The following TMEM117 variants were observed in gnomAD, a reference collection of about 807,000 sequenced individuals.
The protein encoded by TMEM117 is transmembrane protein 117.
TMEM117 carries 27 observed loss-of-function variants against 52.4 expected under a neutral mutation model. The observed-to-expected ratio is 0.51, with a 90% confidence interval of 0.38 to 0.71. The LOEUF (loss-of-function observed/expected upper bound fraction) is 0.71. Among genes scored for constraint, TMEM117 ranks in the 30% least tolerant of loss-of-function variants. The pLI, the probability that TMEM117 is intolerant of heterozygous loss-of-function variation, is 0.00. For synonymous variants in TMEM117, 215 were observed against 206.3 expected (o/e 1.04, Z -0.36); for missense variants, 556 against 630.5 (o/e 0.88, Z 1.26).
the TMEM117 span, chr12:43,805,792 T>C: frequency 1.5e-6 from 2 of 1,357,712 alleles, no homozygotes; most frequent in Admixed American, 1.9e-5. Context: ...ATCAAAGTCC[T>C]GTAATATTCT....
chr12:44,157,962 T>C (rs1388954399), intron 4 of TMEM117, among the ~76,000 whole-genome samples: 1 of 152,182 alleles, frequency 6.6e-6, no homozygotes, highest in East Asian at 1.9e-4. Context: ...TCTATGAGTA[T>C]TTGAGGCAAA....
intron 3 of TMEM117, among the ~76,000 whole-genome samples, chr12:44,064,792 TATGTATAGG>T (rs1947196662): frequency 6.6e-6 from 1 of 152,152 alleles, no homozygotes; most frequent in Non-Finnish European, 1.5e-5. Context: ...TAAAGTTGTA[TATGTATAGG>T]ATGAATAAGT....
chr12:44,214,303 G>A (rs73100851), intron 5 of TMEM117, among the ~76,000 whole-genome samples: 11,108 of 151,336 alleles, frequency 0.073, 584 homozygotes, highest in Middle Eastern at 0.16. Flanking sequence ...GTACCACCAC[G>A]CCCAGCTAGT....
intron 4 of TMEM117, among the ~76,000 whole-genome samples, chr12:44,182,793 C>A (rs940256826): frequency 6.6e-6 from 1 of 151,806 alleles, no homozygotes; most frequent in Admixed American, 6.6e-5. Flanking sequence ...TACTGATTGG[C>A]AAAAGTGTGA....
chr12:44,198,164 A>G (rs190036398), intron 4 of TMEM117, among the ~76,000 whole-genome samples: 2 of 152,240 alleles, frequency 1.3e-5, no homozygotes, highest in African/African-American at 4.8e-5. Context: ...TGGAAGTGAT[A>G]TTGTGTAAGA....
At chr12:44,327,778 C>T (rs538192146) in intron 6 of TMEM117, among the ~76,000 whole-genome samples, 1 of 152,142 alleles carries the variant, frequency 6.6e-6, no homozygotes, top group African/African-American at 2.4e-5. Context: ...AGAGTCAGTC[C>T]TTTCAGATAT....
intron 6 of TMEM117, among the ~76,000 whole-genome samples, chr12:44,323,361 A>T (rs1427078532): frequency 6.6e-6 from 1 of 152,238 alleles, no homozygotes. Flanking sequence ...ACTGAGTGTT[A>T]ACTGATTTTT....
chr12:43,916,324 A>G (rs1304947192), intron 2 of TMEM117, among the ~76,000 whole-genome samples: 2 of 152,198 alleles, frequency 1.3e-5, no homozygotes, highest in African/African-American at 4.8e-5. Flanking sequence ...TAGAAAATGT[A>G]GCAAAGTTCA....
intron 4 of TMEM117, among the ~76,000 whole-genome samples, chr12:44,196,068 C>A (rs1949416303): frequency 6.6e-6 from 1 of 151,910 alleles, no homozygotes; most frequent in African/African-American, 2.4e-5. Context: ...GCCTGGGCAA[C>A]AGAGCAAAAC....
intron 1 of TMEM117, among the ~76,000 whole-genome samples, chr12:43,836,951 A>G (rs1163290257): frequency 1.3e-5 from 2 of 152,192 alleles, no homozygotes; most frequent in Non-Finnish European, 2.9e-5. Flanking sequence ...AATCCAAGGA[A>G]GGACTTCTAG....
the TMEM117 span, among the ~76,000 whole-genome samples, chr12:43,829,811 C>T: frequency 8.5e-5 from 13 of 152,060 alleles, no homozygotes; most frequent in Non-Finnish European, 1.2e-4. Flanking sequence ...AACTGTAGGC[C>T]GGGAGCAGTG....
At chr12:44,251,656 T>C (rs1950198245) in intron 5 of TMEM117, among the ~76,000 whole-genome samples, 1 of 152,206 alleles carries the variant, frequency 6.6e-6, no homozygotes, top group Non-Finnish European at 1.5e-5. Context: ...ATTGGAAATA[T>C]CAAATAACCT....
chr12:43,928,440 G>A (rs568686100), intron 2 of TMEM117, among the ~76,000 whole-genome samples: 15 of 151,952 alleles, frequency 9.9e-5, no homozygotes, highest in African/African-American at 3.4e-4. Context: ...TATATAGGAG[G>A]TATACTCTCT....
intron 6 of TMEM117, among the ~76,000 whole-genome samples, chr12:44,318,712 T>C (rs1405051658): frequency 1.3e-5 from 2 of 151,468 alleles, no homozygotes; most frequent in Non-Finnish European, 2.9e-5. Flanking sequence ...ACAGGAAGGG[T>C]GGGGCAGCTC....
chr12:44,007,877 T>C (rs1228205650), intron 3 of TMEM117, among the ~76,000 whole-genome samples: 3 of 152,146 alleles, frequency 2.0e-5, no homozygotes, highest in Non-Finnish European at 4.4e-5. Flanking sequence ...TCTGCCATGA[T>C]TGTGAGGCCT....
intron 6 of TMEM117, among the ~76,000 whole-genome samples, chr12:44,350,218 T>C (rs1044164060): frequency 6.6e-6 from 1 of 152,012 alleles, no homozygotes; most frequent in Non-Finnish European, 1.5e-5. Flanking sequence ...ACTAGGTATA[T>C]ATCTTTATCA....
intron 5 of TMEM117, chr12:44,244,397 A>G (rs1213054375): frequency 1.3e-5 from 2 of 151,750 alleles, no homozygotes; most frequent in Admixed American, 6.6e-5. Context: ...TTTTTTGTCT[A>G]TCTGTTGGCC....
intron 2 of TMEM117, among the ~76,000 whole-genome samples, chr12:43,920,585 A>C (rs73100931): frequency 0.22 from 24,043 of 110,240 alleles, 3,223 homozygotes; most frequent in African/African-American, 0.42. Context: ...GGATCTCACT[A>C]TTTTGCCCAG....
intron 3 of TMEM117, among the ~76,000 whole-genome samples, chr12:43,973,560 C>T (rs1242091900): frequency 1.3e-5 from 2 of 152,104 alleles, no homozygotes; most frequent in Non-Finnish European, 2.9e-5. Flanking sequence ...GACTTAACTG[C>T]GAGTGTACAA....
Sources: allele counts gnomAD v4.1 joint callset (sites outside exome capture counted in the v4.1 genomes callset), GRCh38; gene constraint gnomAD v4.1.1; transcripts MANE v1.5; gene names NCBI Gene and HGNC (gene_info 2026-07-23, HGNC 2026-07-21).